Variants in IQUB observed in about 807,000 individuals in gnomAD.
IQUB encodes the protein IQ motif and ubiquitin domain containing, also known as IQ motif and ubiquitin-like domain-containing protein.
Under a neutral mutation model 86.4 loss-of-function variants are expected in IQUB, and 86 were observed. The observed-to-expected ratio is 1.00, with a 90% CI of 0.84 to 1.19. The LOEUF is 1.19. Ranked by LOEUF, IQUB falls within the 50% of genes most tolerant of loss-of-function variation. IQUB has a pLI of 0.00. For synonymous variants in IQUB, 289 were observed against 304.5 expected, an observed-to-expected ratio of 0.95 and a Z score of 0.53; for missense variants, 946 against 916.9, an observed-to-expected ratio of 1.03 and a Z score of -0.41.
rs1467120253 is a variant in IQUB, at chr7:123,503,049, A to G, written c.762T>C (p.Gly254=). The G allele has an allele frequency of 4.3e-6, 7 of 1,613,480 alleles. No homozygotes were observed. Among genetic ancestry groups the G allele is most frequent in the Non-Finnish European group, 5.1e-6 (6 of 1,179,664 alleles). ...CTCCTGTTACTTTATGTCTGAATCC[A>G]CCAAGAAATGGTTTGTGAAAGTCAG... The part of the protein sequence containing the change: ...VKSDFHKPFL[G]GFRHKVTGVE... The change falls in exon 5 of 13, where the codon GGT becomes GGC. Residue 254 remains glycine (G), a synonymous_variant. Coordinates refer to ENST00000324698, the MANE Select transcript of IQUB (RefSeq NM_178827.5).
At chr7:123,513,128 G>A (rs966121610) in intron 1 of IQUB, among the ~76,000 whole-genome samples, 18 of 152,190 alleles carry the variant, frequency 1.2e-4, no homozygotes, top group Non-Finnish European at 1.9e-4. Context: ...AAACAGTAGT[G>A]AGGTGGAAAA....
chr7:123,496,607 TAAC>T, intron 7 of IQUB, 86 bp downstream of exon 7: 1 of 778,018 alleles, frequency 1.3e-6, no homozygotes, highest in Non-Finnish European at 2.0e-6. Flanking sequence ...CCTAAAATAA[TAAC>T]ACCTTCCTTT....
intron 7 of IQUB, among the ~76,000 whole-genome samples, chr7:123,492,398 T>C (rs1447743050): frequency 6.6e-6 from 1 of 152,094 alleles, no homozygotes; most frequent in Non-Finnish European, 1.5e-5. Flanking sequence ...ATACCTAAAT[T>C]CAAAATATAA....
At chr7:123,504,347 G>A (rs1177703298) in intron 3 of IQUB, among the ~76,000 whole-genome samples, 2 of 152,142 alleles carry the variant, frequency 1.3e-5, no homozygotes, top group Non-Finnish European at 2.9e-5. Context: ...CTACTCGGGA[G>A]GCTGAGGCAA....
In IQUB at chr7:123,512,206, A is replaced by G; in HGVS notation, c.135T>C (p.His45=). The G allele has an allele frequency of 6.2e-7, 1 of 1,614,060 alleles. No homozygotes were observed. Among genetic ancestry groups the G allele is most frequent in the Non-Finnish European group, 8.5e-7 (1 of 1,179,958 alleles). The part of the protein sequence containing the change: ...EPQESDQTEE[H]ESGIEQFSES... ...CACTGAATTGTTCTATTCCAGATTCATGCTCTTCAGTTTGATCTGACTCTT... is the reference window on the plus strand; with the variant it reads ...CACTGAATTGTTCTATTCCAGATTCGTGCTCTTCAGTTTGATCTGACTCTT... Residue 45 remains histidine, a synonymous_variant, in exon 2 of 13, where the codon CAT becomes CAC. Coordinates refer to ENST00000324698, the MANE Select transcript of IQUB (RefSeq NM_178827.5).
chr7:123,522,446 T>C (rs574986463), intron 1 of IQUB, among the ~76,000 whole-genome samples: 22 of 152,374 alleles, frequency 1.4e-4, no homozygotes, highest in African/African-American at 4.6e-4. Flanking sequence ...CAGAGGTTTC[T>C]TAACCTAAGT....
intron 1 of IQUB, among the ~76,000 whole-genome samples, chr7:123,523,068 G>A (rs1796992165): frequency 1.3e-5 from 2 of 150,840 alleles, no homozygotes; most frequent in Non-Finnish European, 3.0e-5. Context: ...ATTCCATGGT[G>A]TATATGTGCC....
chr7:123,455,077 G>T (rs1184124014), intron 12 of IQUB, among the ~76,000 whole-genome samples: 1 of 151,850 alleles, frequency 6.6e-6, no homozygotes, highest in African/African-American at 2.4e-5. Context: ...TTGTCTATTT[G>T]CCTCCCTTTA....
intron 1 of IQUB, among the ~76,000 whole-genome samples, chr7:123,515,783 AGTG>A (rs1163132869): frequency 6.6e-6 from 1 of 152,236 alleles, no homozygotes; most frequent in African/African-American, 2.4e-5. Flanking sequence ...TATAAAGACA[AGTG>A]GTACACACAA....
chr7:123,522,725 T>G (rs1432287973), intron 1 of IQUB, among the ~76,000 whole-genome samples: 1 of 152,170 alleles, frequency 6.6e-6, no homozygotes, highest in Non-Finnish European at 1.5e-5. Context: ...TATTATACTT[T>G]AAGTTTTAGG....
At chr7:123,526,269 G>T (rs1172050486) in intron 1 of IQUB, among the ~76,000 whole-genome samples, 2 of 152,072 alleles carry the variant, frequency 1.3e-5, no homozygotes, top group Non-Finnish European at 2.9e-5. Context: ...TTGACTTTCT[G>T]TCTCGTTGAT....
intron 7 of IQUB, among the ~76,000 whole-genome samples, chr7:123,481,015 AT>A: frequency 6.6e-6 from 1 of 152,208 alleles, no homozygotes; most frequent in Non-Finnish European, 1.5e-5. Flanking sequence ...TGTATCCCAC[AT>A]TTCAAAAATG....
intron 12 of IQUB, among the ~76,000 whole-genome samples, chr7:123,455,146 G>A (rs970110522): frequency 4.6e-5 from 7 of 151,762 alleles, no homozygotes; most frequent in East Asian, 3.9e-4. Context: ...ACATATTTAC[G>A]GGGTACATAG....
Position 123,455,284 on chromosome 7 carries a change from C to T in IQUB, c.2193+2097G>A, listed in dbSNP as rs540000656. Among the ~76,000 whole-genome samples, 3 of 152,150 alleles carry T rather than the reference C, an allele frequency of 2.0e-5. No individual in the cohort carries two copies. In the South Asian group the frequency reaches 6.2e-4, roughly 32 times the overall value. On this transcript the variant is annotated intron_variant, in intron 12 of 12. Coordinates refer to ENST00000324698, the MANE Select transcript of IQUB (RefSeq NM_178827.5). ...ATTTGAAACCATATATTGTAATTAA[C>T]TATAGACAACCTACAGTGCCACAGA...
chr7:123,483,499 A>C (rs1795093858), intron 7 of IQUB, among the ~76,000 whole-genome samples: 1 of 152,116 alleles, frequency 6.6e-6, no homozygotes, highest in South Asian at 2.1e-4. Context: ...ATAATTGCCC[A>C]AACCCTATCA....
At chr7:123,490,561 G>C (rs1795411912) in intron 7 of IQUB, among the ~76,000 whole-genome samples, 1 of 152,120 alleles carries the variant, frequency 6.6e-6, no homozygotes, top group African/African-American at 2.4e-5. Flanking sequence ...GCCATTTATT[G>C]ATCACTACAC....
At chr7:123,487,717 G>A (rs1795269243) in intron 7 of IQUB, among the ~76,000 whole-genome samples, 1 of 152,138 alleles carries the variant, frequency 6.6e-6, no homozygotes, top group African/African-American at 2.4e-5. Flanking sequence ...ATGCCAATAT[G>A]GCTACAACTT....
At chr7:123,458,645 G>A (rs926710735) in intron 11 of IQUB, among the ~76,000 whole-genome samples, 1 of 151,722 alleles carries the variant, frequency 6.6e-6, no homozygotes, top group East Asian at 1.9e-4. Flanking sequence ...TAATTTAGTT[G>A]CTCAACTGTA....
chr7:123,452,594 T>A lies in IQUB; in HGVS notation c.*149A>T. On this transcript the variant is annotated 3_prime_UTR_variant, in exon 13 of 13. Transcript: ENST00000324698. ...AAGAATACTTACTTATATAGAAATG[T>A]TTTCTCTTTATATAACTCAAAATAC... The A allele has an allele frequency of 2.3e-6, 1 of 441,198 alleles. No individual in the cohort carries two copies. The allele number at this position is 441,198 out of a possible 1,614,324, so 27.3% of individuals were successfully genotyped here.
Sources: gnomAD v4.1 joint callset for allele counts (sites outside exome capture counted in the v4.1 genomes callset) on GRCh38, gnomAD v4.1.1 for gene constraint, MANE v1.5 for transcripts, NCBI Gene and HGNC (gene_info 2026-07-23, HGNC 2026-07-21) for gene names.